TRPC3: variants seen among roughly 807,000 people sequenced by gnomAD.
TRPC3 encodes short transient receptor potential channel 3.
In TRPC3, 54 loss-of-function variants were observed where a neutral mutation model predicts 90.9. The observed-to-expected ratio is 0.59, with a 90% CI of 0.48 to 0.75. TRPC3 has a LOEUF of 0.75. Among genes scored for constraint, TRPC3 ranks in the 30% least tolerant of loss-of-function variants. The pLI, the probability that TRPC3 is intolerant of heterozygous loss-of-function variation, is 0.00. For synonymous variants in TRPC3, 424 were observed against 450.9 expected, an observed-to-expected ratio of 0.94 and a Z score of 0.75; for missense variants, 918 against 1,194.5, an observed-to-expected ratio of 0.77 and a Z score of 3.41.
chr4:121,910,933 C>T (rs1006854599), intron 5 of TRPC3, among the ~76,000 whole-genome samples: 2 of 152,090 alleles, frequency 1.3e-5, no homozygotes, highest in African/African-American at 2.4e-5. Flanking sequence ...AAAGATGAAA[C>T]CCTTAAGTGA....
chr4:121,877,934 G>T lies in TRPC3; in HGVS notation c.*1802C>A, dbSNP rs568670940. On this transcript the variant is annotated 3_prime_UTR_variant, in exon 12 of 12. Coordinates refer to ENST00000379645, the MANE Select transcript of TRPC3 (RefSeq NM_001130698.2). ...TTTTCATTCAACATTTTTTCCAACC[G>T]CAAAGAAGAAAATTACAAAATATTC... Among the ~76,000 whole-genome samples the T allele has an allele frequency of 1.3e-5, 2 of 151,994 alleles. No homozygotes were observed. The highest frequency in any genetic ancestry group is 3.9e-4 in the East Asian group (2 of 5,172).
intron 1 of TRPC3, among the ~76,000 whole-genome samples, chr4:121,934,010 AT>A (rs1404251298): frequency 2.0e-5 from 3 of 152,218 alleles, no homozygotes; most frequent in Non-Finnish European, 1.5e-5. Context: ...AATCACTAGA[AT>A]TACTTTGTGA....
At chr4:121,889,253 C>A (rs1728236298) in intron 10 of TRPC3, among the ~76,000 whole-genome samples, 1 of 152,082 alleles carries the variant, frequency 6.6e-6, no homozygotes, top group Non-Finnish European at 1.5e-5. Context: ...TTGGATAAGA[C>A]CTCAAAAACA....
At chr4:121,902,353 A>G (rs753575986) in intron 9 of TRPC3, among the ~76,000 whole-genome samples, 10 of 152,192 alleles carry the variant, frequency 6.6e-5, no homozygotes, top group Non-Finnish European at 1.2e-4. Context: ...TATTTATAAA[A>G]TGAGTATTTA....
At position 121,932,401 on chromosome 4, in the gene TRPC3, G is replaced by A. The variant is rs774832979; in HGVS notation, c.857C>T (p.Ser286Leu). The change falls in exon 2 of 12, where the codon TCG becomes TTG. Residue 286 changes from serine (S) to leucine (L), a missense_variant. By Grantham distance (145) the Ser-to-Leu change is moderately radical. Transcript: ENST00000379645. The surrounding 1 kb of genome is among the most constrained non-coding windows in gnomAD (Gnocchi z 7.7). ...QRHDSFSHSR[S>L]RINAYKGLAS... ...CAGCCCCTTGTAGGCATTGATCCTC[G>A]AGCGTGAGTGGCTGAAGGAGTCGTG... 4 of 1,614,124 alleles carry A rather than the reference G, an allele frequency of 2.5e-6. No individual in the cohort carries two copies. The highest frequency in any genetic ancestry group is 1.1e-5 in the South Asian group (1 of 91,064).
chr4:121,881,085 A>T (rs1727925102), intron 11 of TRPC3, among the ~76,000 whole-genome samples: 1 of 151,956 alleles, frequency 6.6e-6, no homozygotes, highest in African/African-American at 2.4e-5. Flanking sequence ...ACCGCAGGAG[A>T]CCCCCTGCCC....
chr4:121,905,332 T>G (rs887672451), intron 7 of TRPC3, among the ~76,000 whole-genome samples: 1 of 152,048 alleles, frequency 6.6e-6, no homozygotes, highest in Non-Finnish European at 1.5e-5. Context: ...CTATTTAAAT[T>G]TTTTATCATA....
At chr4:121,882,227 T>C in intron 11 of TRPC3, 127 bp downstream of exon 11, 1 of 688,664 alleles carries the variant, frequency 1.5e-6, no homozygotes, top group South Asian at 2.2e-5. Context: ...CATAAGATCC[T>C]CCTCCCATCT....
At chr4:121,948,678 T>C (rs964083908) in intron 1 of TRPC3, among the ~76,000 whole-genome samples, 2 of 152,190 alleles carry the variant, frequency 1.3e-5, no homozygotes, top group African/African-American at 4.8e-5. Context: ...TCCTTAAACA[T>C]GCCTGGCATT....
chr4:121,892,626 G>A (rs1185954697), intron 10 of TRPC3, among the ~76,000 whole-genome samples: 3 of 152,086 alleles, frequency 2.0e-5, no homozygotes, highest in African/African-American at 4.8e-5. Flanking sequence ...GTGGTTTTGT[G>A]AGAACTGCAC....
At chr4:121,891,890 T>C (rs1052183696) in intron 10 of TRPC3, among the ~76,000 whole-genome samples, 4 of 152,238 alleles carry the variant, frequency 2.6e-5, no homozygotes, top group African/African-American at 9.6e-5. Flanking sequence ...TGCCAACTAC[T>C]CCTTTGAGCC....
In TRPC3 at chr4:121,932,589, G is replaced by A. The variant is rs764849373; in HGVS notation, c.669C>T (p.Tyr223=). The change falls in exon 2 of 12, where the codon TAC becomes TAT. Residue 223 remains tyrosine, a synonymous_variant. Coordinates refer to ENST00000379645, the MANE Select transcript of TRPC3 (RefSeq NM_001130698.2). This position sits in a 1 kb window ranked among gnomAD's most constrained non-coding sequence, Gnocchi z 7.7. The part of the protein sequence containing the change: ...QELQDDDFYA[Y]DEDGTRFSPD... ...GCGAGAAGCGCGTGCCGTCCTCGTC[G>A]TAAGCGTAGAAGTCGTCGTCCTGCA... is the stretch of plus-strand genomic sequence containing the variant. 6.2e-7 allele frequency: 1 copy of A among 1,614,098 alleles called. No homozygotes were observed. Among genetic ancestry groups the A allele is most frequent in the Non-Finnish European group, 8.5e-7 (1 of 1,180,060 alleles).
Position 121,878,406 on chromosome 4 carries a change from T to A in TRPC3, c.*1330A>T, listed in dbSNP as rs1327499330. Among the ~76,000 whole-genome samples the A allele has an allele frequency of 6.6e-6, 1 of 152,200 alleles. No homozygotes were observed. The highest frequency in any genetic ancestry group is 1.5e-5 in the Non-Finnish European group (1 of 68,044). ...TAAGGACCTCTGAAAATCTTTGATCTATGATCACAATTCGTATTCCTATAC... is the reference window on the plus strand; with the variant it reads ...TAAGGACCTCTGAAAATCTTTGATCAATGATCACAATTCGTATTCCTATAC... On this transcript the variant is annotated 3_prime_UTR_variant, in exon 12 of 12. Transcript: ENST00000379645.
intron 10 of TRPC3, among the ~76,000 whole-genome samples, chr4:121,892,421 T>C (rs143840007): frequency 1.7e-4 from 26 of 152,288 alleles, no homozygotes; most frequent in African/African-American, 5.5e-4. Flanking sequence ...CTAACTGTAT[T>C]TTGGAATGTA....
At chr4:121,900,235 C>T (rs1728657142) in intron 9 of TRPC3, among the ~76,000 whole-genome samples, 2 of 152,140 alleles carry the variant, frequency 1.3e-5, no homozygotes, top group African/African-American at 2.4e-5. Flanking sequence ...TTTTGGTTTC[C>T]TTTTCTTTTC....
chr4:121,879,993 C>G (rs1372001934), intron 11 of TRPC3, 115 bp from the exon 12 acceptor site: 1 of 987,608 alleles, frequency 1.0e-6, no homozygotes, highest in Non-Finnish European at 1.4e-6. Flanking sequence ...TCCAAGGTAG[C>G]TACTTCAAAG....
chr4:121,895,373 A>G (rs1159679773), intron 10 of TRPC3, among the ~76,000 whole-genome samples: 1 of 152,144 alleles, frequency 6.6e-6, no homozygotes, highest in African/African-American at 2.4e-5. Flanking sequence ...TGAGACTAAA[A>G]TAAATACAAA....
At chr4:121,913,391 A>G (rs868492400) in intron 4 of TRPC3, among the ~76,000 whole-genome samples, 4 of 152,204 alleles carry the variant, frequency 2.6e-5, no homozygotes, top group South Asian at 2.1e-4. Context: ...TTTCCATAAG[A>G]TAGGTGGTAT....
intron 9 of TRPC3, among the ~76,000 whole-genome samples, chr4:121,901,878 T>C (rs559127051): frequency 5.9e-5 from 9 of 152,284 alleles, no homozygotes; most frequent in African/African-American, 1.9e-4. Flanking sequence ...TCACAACCAA[T>C]CGCTGACTTG....
Sources: gnomAD v4.1 joint callset for allele counts (sites outside exome capture counted in the v4.1 genomes callset) on GRCh38, gnomAD v4.1.1 for gene constraint, Gnocchi (gnomAD v3.1) non-coding constraint, MANE v1.5 for transcripts, NCBI Gene and HGNC (gene_info 2026-07-23, HGNC 2026-07-21) for gene names.